GABRB3: variants seen among roughly 807,000 people sequenced by gnomAD.
The protein encoded by GABRB3 is gamma-aminobutyric acid type A receptor subunit beta3.
GABRB3 carries 14 observed loss-of-function variants against 52.1 expected under a neutral mutation model. That is an observed-to-expected ratio of 0.27 (90% CI 0.18 to 0.42). The LOEUF is 0.42. Among genes scored for constraint, GABRB3 ranks in the 10% least tolerant of loss-of-function variants. The pLI is 1.00. For missense variants in GABRB3, 307 were observed against 609.1 expected (o/e 0.50, Z 5.22); for synonymous variants, 260 against 232.3 (o/e 1.12, Z -1.08).
chr15:26,607,225 T>C lies in GABRB3; in HGVS notation c.461+14089A>G, dbSNP rs149115439. Among the ~76,000 whole-genome samples the C allele has an allele frequency of 1.9e-3, 284 of 152,324 alleles. 6 individuals carry two copies. In the East Asian group the frequency reaches 0.036, roughly 20 times the overall value. ...GGCTGCCTGATTCACAAATTGTTCA[T>C]TGCTCAATTAAACTCTCTTACATTT... On this transcript the variant is annotated intron_variant, in intron 4 of 8. Coordinates refer to ENST00000311550, the MANE Select transcript of GABRB3 (RefSeq NM_000814.6).
chr15:26,720,638 G>C (rs552980084), intron 3 of GABRB3, among the ~76,000 whole-genome samples: 1 of 152,272 alleles, frequency 6.6e-6, no homozygotes, highest in African/African-American at 2.4e-5. Flanking sequence ...GGAATACCAA[G>C]AGTTTCTGAT....
intron 4 of GABRB3, among the ~76,000 whole-genome samples, chr15:26,603,983 A>T (rs893904597): frequency 6.6e-6 from 1 of 152,122 alleles, no homozygotes; most frequent in Non-Finnish European, 1.5e-5. Context: ...AAGTCAAATT[A>T]TCCTTGTTTG....
chr15:26,666,336 T>G (rs1887709077), intron 3 of GABRB3: 1 of 152,216 alleles, frequency 6.6e-6, no homozygotes, highest in South Asian at 2.1e-4. Flanking sequence ...AATATTTTTA[T>G]TGTGACTCTT....
chr15:26,654,122 A>G (rs1474186796), intron 3 of GABRB3, among the ~76,000 whole-genome samples: 4 of 152,156 alleles, frequency 2.6e-5, no homozygotes, highest in African/African-American at 9.6e-5. Context: ...AAATTTTTAA[A>G]TTTGTGGTAA....
rs183227473 is a variant in GABRB3 at position 26,678,283 on chromosome 15, G to A, written c.241-56749C>T. Among the ~76,000 whole-genome samples, 28 of 152,296 alleles carry A rather than the reference G, an allele frequency of 1.8e-4. No homozygotes were observed. In the East Asian group the frequency reaches 5.0e-3, roughly 27 times the overall value. On this transcript the variant is annotated intron_variant, in intron 3 of 8. Transcript: ENST00000311550. ...ATGAGCTGGCCCTGTGGACTTCTATGCTTAGGCTGCTGACAATTTCTTATT... is the reference window on the plus strand; with the variant it reads ...ATGAGCTGGCCCTGTGGACTTCTATACTTAGGCTGCTGACAATTTCTTATT...
At chr15:26,551,845 C>T (rs558946804) in intron 8 of GABRB3, among the ~76,000 whole-genome samples, 99 of 151,740 alleles carry the variant, frequency 6.5e-4, no homozygotes, top group Non-Finnish European at 1.1e-3. Context: ...GGGAATGGAC[C>T]GAGATCACAC....
chr15:26,693,168 T>G (rs17738247), intron 3 of GABRB3, among the ~76,000 whole-genome samples: 7,730 of 152,300 alleles, frequency 0.051, 588 homozygotes, highest in East Asian at 0.41. Flanking sequence ...AGAGCCTTTG[T>G]ACATTGTTTT....
chr15:26,659,808 C>G (rs1467728116), intron 3 of GABRB3, among the ~76,000 whole-genome samples: 6 of 152,118 alleles, frequency 3.9e-5, no homozygotes, highest in Admixed American at 1.3e-4. Context: ...ACTGGGCCAC[C>G]CATGGGGAGG....
chr15:26,564,044 T>C (rs1007626445), intron 7 of GABRB3, among the ~76,000 whole-genome samples: 7 of 152,152 alleles, frequency 4.6e-5, no homozygotes, highest in African/African-American at 1.7e-4. Context: ...CTTTTGCAGA[T>C]TGAGCATCTC....
chr15:26,748,405 C>A (rs750658767), intron 3 of GABRB3, among the ~76,000 whole-genome samples: 1 of 152,142 alleles, frequency 6.6e-6, no homozygotes, highest in Admixed American at 6.5e-5. Flanking sequence ...CATTAATGGA[C>A]TACTAAGATT....
chr15:26,604,437 A>G (rs1891705134), intron 4 of GABRB3, among the ~76,000 whole-genome samples: 1 of 152,214 alleles, frequency 6.6e-6, no homozygotes, highest in Admixed American at 6.5e-5. Flanking sequence ...ATATGGAATC[A>G]TAAGAAGCTC....
At chr15:26,573,290 AAT>A (rs1890475231) in intron 6 of GABRB3, among the ~76,000 whole-genome samples, 1 of 152,208 alleles carries the variant, frequency 6.6e-6, no homozygotes. Context: ...TAAAATTAAA[AAT>A]AGTGTTTCTA....
chr15:26,718,498 C>A (rs141125344), intron 3 of GABRB3, among the ~76,000 whole-genome samples: 2 of 152,170 alleles, frequency 1.3e-5, no homozygotes, highest in African/African-American at 4.8e-5. Context: ...CGTGAGCCAC[C>A]GCGCCCAGCC....
intron 3 of GABRB3, among the ~76,000 whole-genome samples, chr15:26,685,336 T>A (rs1028448444): frequency 5.9e-5 from 9 of 152,072 alleles, no homozygotes; most frequent in Non-Finnish European, 8.8e-5. Context: ...GGCTAATGCA[T>A]CCCCCTATGG....
chr15:26,599,179 G>A (rs1002777366), intron 4 of GABRB3, among the ~76,000 whole-genome samples: 1 of 152,176 alleles, frequency 6.6e-6, no homozygotes, highest in South Asian at 2.1e-4. Context: ...AAACCAGAAA[G>A]TCAAGCAGTG....
chr15:26,546,374 C>T lies in GABRB3; in HGVS notation c.*1419G>A, dbSNP rs1889242519. The T allele has an allele frequency of 6.6e-6, 1 of 152,280 alleles. No homozygotes were observed. The highest frequency in any genetic ancestry group is 2.4e-5 in the African/African-American group (1 of 41,330). The allele number at this position is 152,280 out of a possible 1,614,324, so 9.4% of individuals were successfully genotyped here. A position where few individuals can be genotyped will look rare whatever the true frequency, so the allele number is the denominator to read the frequency against. ...GGTTGCGTCTATGAAACCGGTGCAC[C>T]TTGTCTTGTTTCTACGAGCTTTAAA... is the stretch of plus-strand genomic sequence containing the variant. On this transcript the variant is annotated 3_prime_UTR_variant, in exon 9 of 9. Coordinates refer to ENST00000311550, the MANE Select transcript of GABRB3 (RefSeq NM_000814.6).
intron 4 of GABRB3, chr15:26,613,411 AAAAGAAAGAAAGAAGG>A (rs1892146248): frequency 6.6e-6 from 1 of 151,366 alleles, no homozygotes; most frequent in Non-Finnish European, 1.5e-5. Flanking sequence ...ACTCCATCTC[AAAAGAAAGAAAGAAGG>A]AAAGAAAGAA....
chr15:26,586,704 A>AAAAG (rs558336153), intron 4 of GABRB3, among the ~76,000 whole-genome samples: 17,176 of 101,230 alleles, frequency 0.17, 2,266 homozygotes, highest in African/African-American at 0.18. Flanking sequence ...AAAAAAAAAA[A>AAAAG]AGAGAGAGAG....
chr15:26,585,116 C>T (rs1419924973), intron 4 of GABRB3, among the ~76,000 whole-genome samples: 2 of 152,146 alleles, frequency 1.3e-5, no homozygotes, highest in African/African-American at 4.8e-5. Context: ...CAGGCCACAG[C>T]GGGTGGCCTT....
Sources: gnomAD v4.1 joint callset for allele counts (sites outside exome capture counted in the v4.1 genomes callset) on GRCh38, gnomAD v4.1.1 for gene constraint, MANE v1.5 for transcripts, NCBI Gene and HGNC (gene_info 2026-07-23, HGNC 2026-07-21) for gene names.